SPINK5: variants seen among roughly 807,000 people sequenced by gnomAD.
SPINK5 encodes serine protease inhibitor Kazal-type 5.
In SPINK5, 125 loss-of-function variants were observed where a neutral mutation model predicts 151.8. That is an observed-to-expected ratio of 0.82 (90% CI 0.71 to 0.96). The LOEUF is 0.96. Among genes scored for constraint, SPINK5 ranks in the 40% least tolerant of loss-of-function variants. SPINK5 has a pLI of 0.00. For missense variants in SPINK5, 1,194 were observed against 1,291.9 expected (o/e 0.92, Z 1.16); for synonymous variants, 374 against 395.3 (o/e 0.95, Z 0.64).
intron 15 of SPINK5, among the ~76,000 whole-genome samples, chr5:148,103,409 G>A (rs1384009582): frequency 1.3e-5 from 2 of 152,138 alleles, no homozygotes; most frequent in Non-Finnish European, 2.9e-5. Context: ...ATCACTTAGT[G>A]AAGTCTTTCA....
At chr5:148,067,437 T>C (rs903438327) in intron 2 of SPINK5, among the ~76,000 whole-genome samples, 11 of 152,150 alleles carry the variant, frequency 7.2e-5, no homozygotes, top group African/African-American at 2.7e-4. Context: ...TCTACTCAAC[T>C]CAGGATGACT....
intron 20 of SPINK5, 95 bp downstream of exon 20, chr5:148,113,029 A>T: frequency 6.4e-7 from 1 of 1,555,696 alleles, no homozygotes; most frequent in East Asian, 2.4e-5. Context: ...CCCAGTTGTG[A>T]GGGAACTAGG....
intron 23 of SPINK5, 46 bp downstream of exon 23, chr5:148,118,610 C>T (rs1754165532): frequency 1.9e-6 from 3 of 1,609,376 alleles, no homozygotes; most frequent in East Asian, 4.5e-5. Flanking sequence ...AGTCACATTC[C>T]TCTTGAATGA....
At chr5:148,112,799 A>G in intron 19 of SPINK5, 69 bp from the exon 20 acceptor site, 1 of 1,602,520 alleles carries the variant, frequency 6.2e-7, no homozygotes, top group South Asian at 1.1e-5. Flanking sequence ...TTATGTAGAG[A>G]CATTTCTCCT....
chr5:148,081,811 G>T (rs1753029154), intron 4 of SPINK5, among the ~76,000 whole-genome samples: 1 of 151,614 alleles, frequency 6.6e-6, no homozygotes, highest in Non-Finnish European at 1.5e-5. Context: ...CAGTTCATAT[G>T]ATTGTAACTG....
intron 30 of SPINK5, among the ~76,000 whole-genome samples, chr5:148,128,201 G>A (rs1238870189): frequency 7.0e-6 from 1 of 143,794 alleles, no homozygotes; most frequent in Non-Finnish European, 1.5e-5. Context: ...AAGGCATGGA[G>A]AAGAGCTATT....
At chr5:148,126,201 C>A (rs1754426407) in intron 29 of SPINK5, among the ~76,000 whole-genome samples, 1 of 151,940 alleles carries the variant, frequency 6.6e-6, no homozygotes, top group South Asian at 2.1e-4. Context: ...TTTTACACCC[C>A]AAAATATATT....
chr5:148,085,152 C>T (rs935191512), intron 4 of SPINK5, among the ~76,000 whole-genome samples: 2 of 151,816 alleles, frequency 1.3e-5, no homozygotes, highest in African/African-American at 4.8e-5. Context: ...TCTTTCTAAA[C>T]ATATGAATAG....
At chr5:148,120,535 A>G in intron 26 of SPINK5, 144 bp downstream of exon 26, 4 of 1,049,924 alleles carry the variant, frequency 3.8e-6, no homozygotes, top group Non-Finnish European at 5.7e-6. Context: ...CCAGATCTTG[A>G]AAATAAATAG....
chr5:148,091,057 A>G (rs1753294911), intron 7 of SPINK5, 108 bp from the exon 8 acceptor site: 17 of 937,302 alleles, frequency 1.8e-5, no homozygotes, highest in Non-Finnish European at 2.7e-5. Flanking sequence ...TAAGAGGATC[A>G]TTTTCAGCAA....
chr5:148,116,518 A>T (rs1561698931), intron 22 of SPINK5, 52 bp downstream of exon 22: 1 of 1,542,474 alleles, frequency 6.5e-7, no homozygotes, highest in African/African-American at 1.4e-5. Flanking sequence ...CTCCTTGACA[A>T]TAGGACTGTG....
At chr5:148,107,813 T>C (rs988825545) in intron 17 of SPINK5, among the ~76,000 whole-genome samples, 1 of 152,166 alleles carries the variant, frequency 6.6e-6, no homozygotes, top group African/African-American at 2.4e-5. Flanking sequence ...TACAGCTCCA[T>C]CGTGTGGGAC....
chr5:148,104,771 C>T (rs1270118064), intron 15 of SPINK5, among the ~76,000 whole-genome samples, 181 bp from the exon 16 acceptor site: 2 of 152,102 alleles, frequency 1.3e-5, no homozygotes, highest in Non-Finnish European at 2.9e-5. Context: ...TGGCATGTGC[C>T]TGTAATCCTA....
intron 24 of SPINK5, 150 bp from the exon 25 acceptor site, chr5:148,119,859 A>G: frequency 1.3e-6 from 1 of 778,490 alleles, no homozygotes; most frequent in South Asian, 1.7e-5. Context: ...GAATTAGAAC[A>G]TAGACGTCTC....
At chr5:148,097,742 T>A (rs1256863503) in intron 10 of SPINK5, 125 bp from the exon 11 acceptor site, 33 of 958,416 alleles carry the variant, frequency 3.4e-5, no homozygotes, top group African/African-American at 6.7e-5. Context: ...AATTTTTGGA[T>A]GGTCCTAAAT....
chr5:148,118,944 A>G (rs376545804), intron 23 of SPINK5, 42 bp from the exon 24 acceptor site: 83 of 1,598,848 alleles, frequency 5.2e-5, no homozygotes, highest in Non-Finnish European at 1.8e-5. Flanking sequence ...TCCAGGGTCA[A>G]TATTTGTTAA....
intron 27 of SPINK5, 129 bp downstream of exon 27, chr5:148,124,089 G>A: frequency 9.2e-7 from 1 of 1,086,792 alleles, no homozygotes; most frequent in Non-Finnish European, 1.3e-6. Context: ...CTCTTTTGAA[G>A]AGACAATTTC....
chr5:148,077,283 C>T (rs1042826744), intron 4 of SPINK5, among the ~76,000 whole-genome samples: 3 of 150,132 alleles, frequency 2.0e-5, no homozygotes, highest in African/African-American at 7.3e-5. Flanking sequence ...GCTGGCCCCT[C>T]ATCTAAAATA....
intron 18 of SPINK5, among the ~76,000 whole-genome samples, chr5:148,111,090 G>A (rs183512621): frequency 6.6e-6 from 1 of 151,844 alleles, no homozygotes; most frequent in Admixed American, 6.6e-5. Flanking sequence ...TCAAAGGGTT[G>A]GCAGAGCTGT....
Sources: gnomAD v4.1 joint callset for allele counts (sites outside exome capture counted in the v4.1 genomes callset) on GRCh38, gnomAD v4.1.1 for gene constraint, MANE v1.5 for transcripts, NCBI Gene and HGNC (gene_info 2026-07-23, HGNC 2026-07-21) for gene names.